GHR: variants seen among roughly 807,000 people sequenced by gnomAD.
GHR encodes the protein GH receptor.
Under a neutral mutation model 67.1 loss-of-function variants are expected in GHR, and 35 were observed. The observed-to-expected ratio is 0.52, with a 90% CI of 0.40 to 0.69. The LOEUF is 0.69. Among genes scored for constraint, GHR ranks in the 30% least tolerant of loss-of-function variants. The probability of loss-of-function intolerance (pLI) is 0.00; values close to 1 mark genes in which losing one functional copy is unlikely to be tolerated. For synonymous variants in GHR, 272 were observed against 269.1 expected (o/e 1.01, Z -0.10); for missense variants, 792 against 764.6 (o/e 1.04, Z -0.42).
intron 1 of GHR, among the ~76,000 whole-genome samples, chr5:42,504,294 A>T (rs1561081329): frequency 6.6e-6 from 1 of 152,124 alleles, no homozygotes; most frequent in Non-Finnish European, 1.5e-5. Flanking sequence ...TTTTAATGAG[A>T]AGGGAGCTTG....
chr5:42,589,142 A>G (rs1751646264), intron 2 of GHR, among the ~76,000 whole-genome samples: 1 of 152,186 alleles, frequency 6.6e-6, no homozygotes, highest in South Asian at 2.1e-4. Context: ...CCATTCTAAA[A>G]TATTGATGGG....
intron 1 of GHR, among the ~76,000 whole-genome samples, chr5:42,481,519 G>A (rs886857990): frequency 7.2e-5 from 11 of 152,264 alleles, no homozygotes; most frequent in African/African-American, 2.4e-4. Context: ...TCACTTTCAG[G>A]TACACCAATC....
chr5:42,627,427 G>T (rs991226098), intron 2 of GHR, among the ~76,000 whole-genome samples: 1 of 152,162 alleles, frequency 6.6e-6, no homozygotes, highest in Non-Finnish European at 1.5e-5. Context: ...ATTTTTAAAA[G>T]GGGGATTATT....
At chr5:42,474,257 C>CAGAAAGAAAGAAAGAAAGAAAGAA (rs202146050) in intron 1 of GHR, among the ~76,000 whole-genome samples, 1,656 of 87,890 alleles carry the variant, frequency 0.019, 30 homozygotes, top group Non-Finnish European at 0.025. Flanking sequence ...GAAAGACAGA[C>CAGAAAGAAAGAAAGAAAGAAAGAA]AGAAAGAAAG....
chr5:42,688,607 C>T (rs1287181765), intron 3 of GHR, among the ~76,000 whole-genome samples: 1 of 152,058 alleles, frequency 6.6e-6, no homozygotes, highest in Non-Finnish European at 1.5e-5. Context: ...ATATCCAAAT[C>T]CTAATCTCTA....
At chr5:42,692,561 G>A in intron 4 of GHR, among the ~76,000 whole-genome samples, 1 of 152,056 alleles carries the variant, frequency 6.6e-6, no homozygotes, top group East Asian at 1.9e-4. Context: ...ATTCAACATT[G>A]GTTCATGAAG....
intron 1 of GHR, among the ~76,000 whole-genome samples, chr5:42,429,311 G>T (rs1449899280): frequency 6.6e-6 from 1 of 152,116 alleles, no homozygotes; most frequent in African/African-American, 2.4e-5. Flanking sequence ...TCGCCCTCTT[G>T]GTTCAATGAC....
Position 42,547,745 on chromosome 5 carries a change from C to G in GHR, c.-11-18119C>G, listed in dbSNP as rs904577400. ...TTTTCTAGGGGTTTTCTGTAAACTA[C>G]TTTATACTGCTGACAAATGGTTAAA... On this transcript the variant is annotated intron_variant, in intron 1 of 9. Coordinates refer to ENST00000230882, the MANE Select transcript of GHR (RefSeq NM_000163.5). Among the ~76,000 whole-genome samples the G allele has an allele frequency of 2.0e-5, 3 of 152,264 alleles. No homozygotes were observed. The South Asian group carries it at 6.2e-4, about 32-fold the overall frequency.
intron 1 of GHR, among the ~76,000 whole-genome samples, chr5:42,526,550 A>G (rs2112323970): frequency 1.3e-5 from 2 of 152,354 alleles, no homozygotes; most frequent in Middle Eastern, 6.8e-3. Context: ...GAATACGTCA[A>G]TAGAAGATCT....
chr5:42,659,965 C>A (rs369627368), intron 3 of GHR, among the ~76,000 whole-genome samples: 51 of 152,316 alleles, frequency 3.3e-4, no homozygotes, highest in East Asian at 1.5e-3. Context: ...TATCCCGCAC[C>A]TGGCTCGGAG....
intron 2 of GHR, among the ~76,000 whole-genome samples, chr5:42,579,185 TAGATAGATAGATAGAC>T (rs1751021574): frequency 6.6e-6 from 1 of 150,430 alleles, no homozygotes. Context: ...GATAGATAGA[TAGATAGATAGATAGAC>T]AGATAGATAG....
At chr5:42,463,686 G>T (rs1383608908) in intron 1 of GHR, among the ~76,000 whole-genome samples, 1 of 152,156 alleles carries the variant, frequency 6.6e-6, no homozygotes, top group African/African-American at 2.4e-5. Flanking sequence ...TTTCAAAACG[G>T]AAAATACCTT....
intron 1 of GHR, among the ~76,000 whole-genome samples, chr5:42,490,560 A>G (rs890221014): frequency 6.6e-6 from 1 of 152,250 alleles, no homozygotes; most frequent in East Asian, 1.9e-4. Context: ...CAGCTTTAAC[A>G]TGGCCCCCAG....
chr5:42,479,670 C>T (rs909054726), intron 1 of GHR, among the ~76,000 whole-genome samples: 2 of 152,132 alleles, frequency 1.3e-5, no homozygotes, highest in Middle Eastern at 3.2e-3. Context: ...AGTTTATTTG[C>T]GTAAAGGTGT....
intron 1 of GHR, chr5:42,514,447 A>T (rs527687285): frequency 3.1e-6 from 1 of 318,098 alleles, no homozygotes; most frequent in Admixed American, 6.6e-5. Context: ...GCTATCTATG[A>T]CCATATGCAT....
At chr5:42,561,974 T>G (rs1469280151) in intron 1 of GHR, among the ~76,000 whole-genome samples, 2 of 152,126 alleles carry the variant, frequency 1.3e-5, no homozygotes, top group East Asian at 3.8e-4. Context: ...AAAAGGTACA[T>G]GTAATAAGTT....
In GHR at chr5:42,424,171, AGTGT is replaced by A. The variant is rs1158830359; in HGVS notation, c.-12+261_-12+264del. Among the ~76,000 whole-genome samples, 4,620 of 100,478 alleles carry A rather than the reference AGTGT, an allele frequency of 0.046. 128 individuals are homozygous for A. Among genetic ancestry groups the A allele is most frequent in the Middle Eastern group, 0.053 (10 of 190 alleles). The allele number at this position is 100,478 out of a possible 152,430, so 65.9% of individuals were successfully genotyped here. On this transcript the variant is annotated intron_variant, in intron 1 of 9. Coordinates refer to ENST00000230882, the MANE Select transcript of GHR (RefSeq NM_000163.5). This position sits in a 1 kb window ranked among gnomAD's most constrained non-coding sequence, Gnocchi z 4.1. ...CTGGTGGGTTGTTGTAACCCAATCT[AGTGT>A]GTGTGTGTGTGTGTGTGTGTGTGTG...
chr5:42,658,498 C>A (rs1250557154), intron 3 of GHR, among the ~76,000 whole-genome samples: 1 of 152,164 alleles, frequency 6.6e-6, no homozygotes, highest in African/African-American at 2.4e-5. Flanking sequence ...CTCAATCAAT[C>A]ATGGTTAAAA....
intron 1 of GHR, among the ~76,000 whole-genome samples, chr5:42,531,971 G>A (rs1299826508): frequency 6.6e-6 from 1 of 151,578 alleles, no homozygotes; most frequent in Non-Finnish European, 1.5e-5. Flanking sequence ...GTAGGCTAGT[G>A]AGAAAAATAG....
Sources: gnomAD v4.1 joint callset for allele counts (sites outside exome capture counted in the v4.1 genomes callset) on GRCh38, gnomAD v4.1.1 for gene constraint, Gnocchi (gnomAD v3.1) non-coding constraint, MANE v1.5 for transcripts, NCBI Gene and HGNC (gene_info 2026-07-23, HGNC 2026-07-21) for gene names.